RANBP2: variants seen among roughly 807,000 people sequenced by gnomAD.
RANBP2 encodes the protein E3 SUMO-protein ligase RanBP2.
Under a neutral mutation model 303.6 loss-of-function variants are expected in RANBP2, and 57 were observed. That is an observed-to-expected ratio of 0.19 (90% confidence interval 0.15 to 0.23). RANBP2 has a LOEUF of 0.23. Among genes scored for constraint, RANBP2 ranks in the 10% least tolerant of loss-of-function variants. The pLI is 1.00. For synonymous variants in RANBP2, 1,167 were observed against 1,301.5 expected, an observed-to-expected ratio of 0.90 and a Z score of 2.23; for missense variants, 3,138 against 3,780.8, an observed-to-expected ratio of 0.83 and a Z score of 4.46.
At chr2:109,683,031 A>G in the RANBP2 span, among the ~76,000 whole-genome samples, 1 of 152,238 alleles carries the variant, frequency 6.6e-6, no homozygotes, top group African/African-American at 2.4e-5. Context: ...TTGGAGACGG[A>G]GTCTTGCTCT....
the RANBP2 span, among the ~76,000 whole-genome samples, chr2:109,505,524 T>TA: frequency 1.3e-5 from 2 of 152,052 alleles, no homozygotes; most frequent in African/African-American, 4.8e-5. Context: ...ATAATTTTTT[T>TA]TAAAAAAGTG....
the RANBP2 span, among the ~76,000 whole-genome samples, chr2:109,406,391 C>G: frequency 6.6e-6 from 1 of 152,104 alleles, no homozygotes; most frequent in Non-Finnish European, 1.5e-5. Flanking sequence ...GCAGTCAGCT[C>G]TGGAGTGCCC....
chr2:109,735,385 A>G, the RANBP2 span, among the ~76,000 whole-genome samples: 1 of 152,166 alleles, frequency 6.6e-6, no homozygotes, highest in Non-Finnish European at 1.5e-5. Flanking sequence ...TATAGACCAC[A>G]TTTTATTTAT....
the RANBP2 span, among the ~76,000 whole-genome samples, chr2:109,596,486 A>G: frequency 6.6e-6 from 1 of 152,028 alleles, no homozygotes; most frequent in Non-Finnish European, 1.5e-5. Context: ...GCGTGCTGGC[A>G]GGCACCTGTA....
At chr2:109,694,111 C>T in the RANBP2 span, among the ~76,000 whole-genome samples, 1 of 151,992 alleles carries the variant, frequency 6.6e-6, no homozygotes, top group Non-Finnish European at 1.5e-5. Flanking sequence ...AATTGTAATC[C>T]CCAATGTTGG....
chr2:109,294,589 T>TAAA, the RANBP2 span, among the ~76,000 whole-genome samples: 1 of 141,400 alleles, frequency 7.1e-6, no homozygotes, highest in Non-Finnish European at 1.5e-5. Flanking sequence ...AAAAAAAAGG[T>TAAA]AAAAAAAAAA....
At chr2:109,369,978 T>C in the RANBP2 span, among the ~76,000 whole-genome samples, 4 of 152,204 alleles carry the variant, frequency 2.6e-5, no homozygotes, top group Non-Finnish European at 5.9e-5. Flanking sequence ...TGAGGCCATC[T>C]CTTGGCCATC....
chr2:108,986,007 G>A, the RANBP2 span, among the ~76,000 whole-genome samples: 7 of 152,164 alleles, frequency 4.6e-5, no homozygotes, highest in African/African-American at 7.2e-5. Flanking sequence ...CCAGGGCAAA[G>A]CTTTTTTCAT....
the RANBP2 span, among the ~76,000 whole-genome samples, chr2:109,330,032 A>G: frequency 6.6e-6 from 1 of 152,354 alleles, no homozygotes; most frequent in Non-Finnish European, 1.5e-5. Context: ...CCTGGCCCTT[A>G]CAAAACATTG....
the RANBP2 span, among the ~76,000 whole-genome samples, chr2:109,065,647 G>A: frequency 6.6e-6 from 1 of 152,210 alleles, no homozygotes; most frequent in East Asian, 1.9e-4. Flanking sequence ...TTTAAAGATC[G>A]TGATGCTCTG....
chr2:108,839,319 A>G, the RANBP2 span: 1 of 1,595,756 alleles, frequency 6.3e-7, no homozygotes, highest in Non-Finnish European at 8.6e-7. Context: ...GTTAATAGGA[A>G]TTTATCTATA....
chr2:108,806,924 G>A, the RANBP2 span, among the ~76,000 whole-genome samples: 3 of 152,202 alleles, frequency 2.0e-5, no homozygotes, highest in African/African-American at 7.2e-5. Flanking sequence ...GTTGAAAGGA[G>A]CAGCATTGTG....
chr2:109,420,397 C>G, the RANBP2 span, among the ~76,000 whole-genome samples: 1 of 152,106 alleles, frequency 6.6e-6, no homozygotes, highest in East Asian at 1.9e-4. Context: ...CACTCAGAAC[C>G]TGTGTTGTTA....
At chr2:109,089,123 C>T in the RANBP2 span, among the ~76,000 whole-genome samples, 15 of 151,572 alleles carry the variant, frequency 9.9e-5, no homozygotes, top group East Asian at 1.9e-4. Flanking sequence ...GGAGGAAAAG[C>T]GAGAGAGAGG....
the RANBP2 span, among the ~76,000 whole-genome samples, chr2:109,372,543 C>T: frequency 1.3e-5 from 2 of 152,248 alleles, no homozygotes; most frequent in Admixed American, 6.5e-5. Context: ...TTCTCAGCAA[C>T]ACTGGCATAT....
At chr2:109,612,485 T>C in the RANBP2 span, among the ~76,000 whole-genome samples, 3 of 152,240 alleles carry the variant, frequency 2.0e-5, no homozygotes, top group African/African-American at 7.2e-5. Context: ...GTTCTCACTA[T>C]ACTGTATTAT....
Position 108,775,924 on chromosome 2 carries a change from T to G in RANBP2, c.8485T>G (p.Ser2829Ala). 1 of 1,609,904 alleles carries G rather than the reference T, an allele frequency of 6.2e-7. No individual in the cohort carries two copies. Among genetic ancestry groups the G allele is most frequent in the Non-Finnish European group, 8.5e-7 (1 of 1,179,516 alleles). ...AACTAGAAAGGAAATTGATACAGAT[T>G]CTACAAGCCAAGGTAAATCTTGATA... is the stretch of plus-strand genomic sequence containing the variant. ...LSTRKEIDTD[S>A]TSQGESKIVS... The change falls in exon 24 of 29, where the codon TCT (serine) becomes GCT (alanine). Residue 2829 changes from serine to alanine, a missense_variant. By Grantham distance (99) the Ser-to-Ala change is moderately conservative. Around this residue, in one of 20 missense-constraint regions of RANBP2, gnomAD observed 497 missense variants for 465.8 expected, o/e 1.07. Transcript: ENST00000283195.
intron 14 of RANBP2, 43 bp downstream of exon 14, chr2:108,753,606 T>C: frequency 1.3e-6 from 2 of 1,595,366 alleles, no homozygotes; most frequent in South Asian, 1.2e-5. Flanking sequence ...TATTTATTTA[T>C]TTATTATTTT....
At chr2:109,243,975 C>T in the RANBP2 span, among the ~76,000 whole-genome samples, 1 of 152,208 alleles carries the variant, frequency 6.6e-6, no homozygotes. Flanking sequence ...TCTGTTTGCC[C>T]TGCCCAGCTC....
Sources: allele counts gnomAD v4.1 joint callset (sites outside exome capture counted in the v4.1 genomes callset), GRCh38; gene constraint gnomAD v4.1.1; regional missense constraint gnomAD v4.1.1; transcripts MANE v1.5; gene names NCBI Gene and HGNC (gene_info 2026-07-23, HGNC 2026-07-21).